ANO2: variants seen among roughly 807,000 people sequenced by gnomAD.
The protein encoded by ANO2 is anoctamin-2.
Under a neutral mutation model 124.2 loss-of-function variants are expected in ANO2, and 101 were observed. That is an observed-to-expected ratio of 0.81 (90% CI 0.69 to 0.96). The LOEUF is 0.96. Among genes scored for constraint, ANO2 ranks in the 40% least tolerant of loss-of-function variants. The pLI is 0.00. For missense variants in ANO2, 1,293 were observed against 1,274.5 expected, an observed-to-expected ratio of 1.01 and a Z score of -0.22; for synonymous variants, 486 against 482.5, an observed-to-expected ratio of 1.01 and a Z score of -0.09.
chr12:5,822,659 T>A (rs1165306490), intron 7 of ANO2, among the ~76,000 whole-genome samples: 1 of 152,204 alleles, frequency 6.6e-6, no homozygotes, highest in Non-Finnish European at 1.5e-5. Flanking sequence ...TTGATTATTT[T>A]GGACCTCTTC....
intron 20 of ANO2, among the ~76,000 whole-genome samples, chr12:5,591,458 T>A (rs1231554554): frequency 6.6e-6 from 1 of 152,208 alleles, no homozygotes; most frequent in Non-Finnish European, 1.5e-5. Context: ...CCGACTTTAG[T>A]CTTCTTTCCT....
intron 10 of ANO2, among the ~76,000 whole-genome samples, chr12:5,751,778 A>G (rs1394206508): frequency 6.6e-6 from 1 of 152,230 alleles, no homozygotes; most frequent in Non-Finnish European, 1.5e-5. Flanking sequence ...TAAGTATACA[A>G]TACAGTATCA....
intron 10 of ANO2, among the ~76,000 whole-genome samples, chr12:5,770,857 C>T (rs538439440): frequency 6.6e-6 from 1 of 152,122 alleles, no homozygotes. Context: ...TCAGACACAC[C>T]ACACCTGCTC....
At chr12:5,721,137 G>C (rs1489743737) in intron 14 of ANO2, among the ~76,000 whole-genome samples, 1 of 152,166 alleles carries the variant, frequency 6.6e-6, no homozygotes. Flanking sequence ...TAAATACCAA[G>C]GATTTACAAG....
intron 6 of ANO2, among the ~76,000 whole-genome samples, 152 bp downstream of exon 6, chr12:5,830,283 T>C (rs1254140915): frequency 6.6e-6 from 1 of 152,098 alleles, no homozygotes; most frequent in African/African-American, 2.4e-5. Context: ...TTTTGGGGAA[T>C]GGGGAAGCTC....
At chr12:5,915,553 C>G (rs1185069180) in intron 3 of ANO2, among the ~76,000 whole-genome samples, 1 of 152,048 alleles carries the variant, frequency 6.6e-6, no homozygotes, top group East Asian at 1.9e-4. Flanking sequence ...CCCATTTGCT[C>G]TCCATTTGCC....
chr12:5,571,784 A>T (rs750599009), intron 23 of ANO2, among the ~76,000 whole-genome samples: 49 of 152,122 alleles, frequency 3.2e-4, no homozygotes, highest in African/African-American at 7.2e-5. Context: ...TTAGAAAGAC[A>T]TCCATAGAGG....
intron 3 of ANO2, among the ~76,000 whole-genome samples, chr12:5,854,711 C>T (rs959150574): frequency 6.6e-6 from 1 of 152,168 alleles, no homozygotes; most frequent in African/African-American, 2.4e-5. Flanking sequence ...ATAAACAGGG[C>T]TCCTATATGA....
At chr12:5,683,991 A>G (rs1948605483) in intron 14 of ANO2, among the ~76,000 whole-genome samples, 1 of 152,174 alleles carries the variant, frequency 6.6e-6, no homozygotes, top group Non-Finnish European at 1.5e-5. Context: ...CCCAACATCT[A>G]TAATTCACCA....
intron 10 of ANO2, among the ~76,000 whole-genome samples, chr12:5,768,421 A>G (rs903947847): frequency 3.9e-5 from 6 of 152,236 alleles, no homozygotes; most frequent in Non-Finnish European, 2.9e-5. Flanking sequence ...GAAAAAGAGC[A>G]GAAGTGTTGT....
chr12:5,902,168 A>G (rs897015926), intron 3 of ANO2, among the ~76,000 whole-genome samples: 5 of 152,196 alleles, frequency 3.3e-5, no homozygotes, highest in East Asian at 1.9e-4. Flanking sequence ...AACAAACTTG[A>G]TATCTGAAAG....
At chr12:5,695,109 A>G (rs1346550106) in intron 14 of ANO2, among the ~76,000 whole-genome samples, 3 of 152,180 alleles carry the variant, frequency 2.0e-5, no homozygotes, top group Non-Finnish European at 4.4e-5. Flanking sequence ...CTGATATTCC[A>G]TGATTCTCTG....
At position 5,575,991 on chromosome 12, in the gene ANO2, CG is replaced by C; in HGVS notation, c.2463del (p.Asp822ThrfsTer34). On this transcript the variant is annotated frameshift_variant, in exon 23 of 25. Coordinates refer to ENST00000682330, the MANE Select transcript of ANO2 (RefSeq NM_001364791.2). LOFTEE classifies it high-confidence loss of function. ...ISNAFVIAIT[S>X]DFIPRLVYQY... ...TGGTACACCAGGCGGGGGATAAAGT[CG>C]GAGGTGATCGCAATGACAAAAGCCT... 1.9e-6 allele frequency: 3 copies of C among 1,609,102 alleles called. No homozygotes were observed. Among genetic ancestry groups the C allele is most frequent in the Non-Finnish European group, 1.7e-6 (2 of 1,177,618 alleles).
rs532082752 is a variant in ANO2 at position 5,568,383 on chromosome 12, C to T, written c.2622-2720G>A. On this transcript the variant is annotated intron_variant, in intron 23 of 24. Coordinates refer to ENST00000682330, the MANE Select transcript of ANO2 (RefSeq NM_001364791.2). ...GTCTCGATCTCCTGACCTCCTGATC[C>T]GCCCGTGCTGGCCAACCCACCCTAT... is the stretch of plus-strand genomic sequence containing the variant. Among the ~76,000 whole-genome samples, 398 of 152,122 alleles carry T rather than the reference C, an allele frequency of 2.6e-3. 1 individual carries two copies. The highest frequency in any genetic ancestry group is 3.3e-3 in the Non-Finnish European group (226 of 67,998).
intron 1 of ANO2, among the ~76,000 whole-genome samples, chr12:5,938,778 T>C (rs1347965243): frequency 1.3e-5 from 2 of 151,640 alleles, no homozygotes; most frequent in African/African-American, 2.4e-5. Flanking sequence ...TGAGCCAAGA[T>C]TGCACCATTG....
chr12:5,826,974 G>A (rs960391092), intron 7 of ANO2, among the ~76,000 whole-genome samples: 3 of 152,176 alleles, frequency 2.0e-5, no homozygotes, highest in Non-Finnish European at 4.4e-5. Flanking sequence ...GCTGTCAGAT[G>A]CCACTTGGAG....
intron 14 of ANO2, among the ~76,000 whole-genome samples, chr12:5,661,549 G>C (rs1345728973): frequency 6.6e-6 from 1 of 152,116 alleles, no homozygotes; most frequent in East Asian, 1.9e-4. Flanking sequence ...TTCAGCCCAG[G>C]AGGATGGGAA....
intron 10 of ANO2, among the ~76,000 whole-genome samples, chr12:5,770,132 G>A (rs1952031067): frequency 6.6e-6 from 1 of 152,162 alleles, no homozygotes; most frequent in South Asian, 2.1e-4. Flanking sequence ...TAACTACTAG[G>A]CCACATGACA....
chr12:5,797,426 G>C (rs888751953), intron 10 of ANO2, among the ~76,000 whole-genome samples: 1 of 152,150 alleles, frequency 6.6e-6, no homozygotes, highest in Non-Finnish European at 1.5e-5. Flanking sequence ...ACAGAATCAG[G>C]GAAAGCAAGT....
Sources: allele counts gnomAD v4.1 joint callset (sites outside exome capture counted in the v4.1 genomes callset), GRCh38; gene constraint gnomAD v4.1.1; transcripts MANE v1.5; gene names NCBI Gene and HGNC (gene_info 2026-07-23, HGNC 2026-07-21).